DPYD: variants seen among roughly 807,000 people sequenced by gnomAD.
The protein encoded by DPYD is dihydropyrimidine dehydrogenase, also known as dihydropyrimidine dehydrogenase [NADP(+)].
A neutral mutation model predicts 116.2 loss-of-function variants in DPYD; 109 were observed. The ratio of observed to expected loss-of-function variants is 0.94; its 90% CI spans 0.80 to 1.10. The LOEUF (loss-of-function observed/expected upper bound fraction) is 1.10. Among genes scored for constraint, DPYD ranks in the 50% least tolerant of loss-of-function variants. The pLI, the probability that DPYD is intolerant of heterozygous loss-of-function variation, is 0.00. For missense variants in DPYD, 1,302 were observed against 1,254.5 expected, an observed-to-expected ratio of 1.04 and a Z score of -0.57; for synonymous variants, 440 against 432.0, an observed-to-expected ratio of 1.02 and a Z score of -0.23.
intron 4 of DPYD, among the ~76,000 whole-genome samples, chr1:97,723,161 T>C (rs1663017156): frequency 6.6e-6 from 1 of 151,624 alleles, no homozygotes; most frequent in Non-Finnish European, 1.5e-5. Context: ...TCGTGGTGGT[T>C]TAACAGTATT....
chr1:97,531,402 C>T (rs1185057691), intron 12 of DPYD, among the ~76,000 whole-genome samples: 2 of 152,102 alleles, frequency 1.3e-5, no homozygotes, highest in African/African-American at 2.4e-5. Context: ...GCATTCTTGA[C>T]TTTCGTATTG....
At chr1:97,257,989 T>TA (rs1663617604) in intron 18 of DPYD, among the ~76,000 whole-genome samples, 1 of 152,112 alleles carries the variant, frequency 6.6e-6, no homozygotes, top group Admixed American at 6.6e-5. Flanking sequence ...AACTATGTCT[T>TA]AAAGGATAAC....
chr1:97,214,002 T>C (rs1051504892), intron 19 of DPYD, among the ~76,000 whole-genome samples: 7 of 152,184 alleles, frequency 4.6e-5, no homozygotes, highest in African/African-American at 1.4e-4. Flanking sequence ...ATGTTTTGCA[T>C]GCATGCTTGC....
At chr1:97,306,603 A>C (rs1667188759) in intron 16 of DPYD, among the ~76,000 whole-genome samples, 1 of 151,956 alleles carries the variant, frequency 6.6e-6, no homozygotes, top group Non-Finnish European at 1.5e-5. Context: ...AAATATTATC[A>C]GGAATGAAAC....
chr1:97,735,809 T>C (rs1380856370), intron 4 of DPYD, among the ~76,000 whole-genome samples: 2 of 151,722 alleles, frequency 1.3e-5, no homozygotes, highest in East Asian at 1.9e-4. Context: ...AAATGAAAGA[T>C]ATAATTGTAG....
chr1:97,712,252 G>A (rs912756948), intron 5 of DPYD, among the ~76,000 whole-genome samples: 15 of 151,752 alleles, frequency 9.9e-5, no homozygotes, highest in Non-Finnish European at 4.4e-5. Flanking sequence ...TCATTTATTC[G>A]TATCTCTTTA....
intron 13 of DPYD, among the ~76,000 whole-genome samples, chr1:97,497,981 A>T (rs1469577974): frequency 2.0e-5 from 3 of 151,886 alleles, no homozygotes; most frequent in Non-Finnish European, 4.4e-5. Context: ...CCACAGAAAG[A>T]AATGAAGCAT....
chr1:97,712,978 G>C (rs746528582), intron 5 of DPYD, among the ~76,000 whole-genome samples: 1 of 152,010 alleles, frequency 6.6e-6, no homozygotes, highest in Non-Finnish European at 1.5e-5. Flanking sequence ...AGTTAGCAGA[G>C]AATAACCTAG....
At chr1:97,571,407 TG>T (rs1652886316) in intron 11 of DPYD, among the ~76,000 whole-genome samples, 2 of 151,888 alleles carry the variant, frequency 1.3e-5, no homozygotes, top group Non-Finnish European at 2.9e-5. Flanking sequence ...AAAGTTTAAG[TG>T]ACTTGGAGGA....
chr1:97,627,141 C>T (rs1448408946), intron 8 of DPYD, among the ~76,000 whole-genome samples: 1 of 151,892 alleles, frequency 6.6e-6, no homozygotes. Context: ...TCCCAAAGAC[C>T]CCACCTCCTA....
intron 13 of DPYD, among the ~76,000 whole-genome samples, chr1:97,493,068 T>C (rs1679058503): frequency 1.3e-5 from 2 of 152,218 alleles, no homozygotes; most frequent in Non-Finnish European, 2.9e-5. Flanking sequence ...TGTGACAAGA[T>C]GTCTTTTAAA....
Position 97,297,445 on chromosome 1 carries a change from C to T in DPYD, c.2299+7814G>A, listed in dbSNP as rs1339437908. ...TGGGAATGCACATCAGGACATTTGT[C>T]TGTCAGAGAAGGTTTCAAGCAGCTT... On this transcript the variant is annotated intron_variant, in intron 18 of 22. Coordinates refer to ENST00000370192, the MANE Select transcript of DPYD (RefSeq NM_000110.4). Among the ~76,000 whole-genome samples the T allele has an allele frequency of 2.0e-5, 3 of 152,284 alleles. No individual in the cohort carries two copies. In the South Asian group the frequency reaches 6.2e-4, roughly 32 times the overall value.
chr1:97,284,189 C>A (rs1665511457), intron 18 of DPYD, among the ~76,000 whole-genome samples: 1 of 152,068 alleles, frequency 6.6e-6, no homozygotes, highest in Non-Finnish European at 1.5e-5. Flanking sequence ...ATAACTTTCA[C>A]AACAATATTA....
chr1:97,135,474 T>A (rs1225577293), intron 20 of DPYD, among the ~76,000 whole-genome samples: 12 of 152,194 alleles, frequency 7.9e-5, no homozygotes, highest in Non-Finnish European at 7.3e-5. Flanking sequence ...TAATATAGCT[T>A]ATCTTTTGTT....
chr1:97,863,714 G>A (rs1156902925), intron 2 of DPYD, among the ~76,000 whole-genome samples: 1 of 151,740 alleles, frequency 6.6e-6, no homozygotes, highest in African/African-American at 2.4e-5. Flanking sequence ...AAGTTACAAT[G>A]TGATATATAA....
chr1:97,480,810 G>A (rs753151972), intron 13 of DPYD, among the ~76,000 whole-genome samples: 5 of 152,092 alleles, frequency 3.3e-5, no homozygotes, highest in Middle Eastern at 3.4e-3. Flanking sequence ...GTGAAACCCC[G>A]TCTCTACTAA....
chr1:97,279,382 C>G (rs556108115), intron 18 of DPYD, among the ~76,000 whole-genome samples: 3 of 152,210 alleles, frequency 2.0e-5, no homozygotes, highest in South Asian at 4.2e-4. Flanking sequence ...CAGGGAGGCA[C>G]AGTGGGTGAA....
chr1:97,587,280 G>T (rs1490941984), intron 10 of DPYD, among the ~76,000 whole-genome samples: 1 of 152,184 alleles, frequency 6.6e-6, no homozygotes, highest in African/African-American at 2.4e-5. Flanking sequence ...GCCTAGAGAA[G>T]ATTTTGTGTG....
intron 2 of DPYD, among the ~76,000 whole-genome samples, chr1:97,867,531 GCA>G (rs1376694741): frequency 6.6e-6 from 1 of 151,730 alleles, no homozygotes; most frequent in Non-Finnish European, 1.5e-5. Flanking sequence ...CCATAATCAA[GCA>G]TTATTTACCC....
Sources: allele counts gnomAD v4.1 joint callset (sites outside exome capture counted in the v4.1 genomes callset), GRCh38; gene constraint gnomAD v4.1.1; transcripts MANE v1.5; gene names NCBI Gene and HGNC (gene_info 2026-07-23, HGNC 2026-07-21).